The following HGD variants were observed in gnomAD, a reference collection of about 807,000 sequenced individuals.
HGD encodes homogentisate 1,2-dioxygenase.
In HGD, 61 loss-of-function variants were observed where a neutral mutation model predicts 60.8. The observed-to-expected ratio is 1.00, with a 90% confidence interval of 0.82 to 1.24. The LOEUF is 1.24. Among genes scored for constraint, HGD ranks in the 50% most tolerant of loss-of-function variants. The pLI is 0.00. For synonymous variants in HGD, 212 were observed against 187.7 expected (o/e 1.13, Z -1.06); for missense variants, 542 against 547.1 (o/e 0.99, Z 0.09).
At chr3:120,662,975 C>A (rs1707812882) in intron 4 of HGD, among the ~76,000 whole-genome samples, 1 of 152,026 alleles carries the variant, frequency 6.6e-6, no homozygotes, top group Admixed American at 6.6e-5. Flanking sequence ...GCTATAGACA[C>A]AGAGGGAAGA....
At chr3:120,665,210 A>C (rs1420025242) in intron 4 of HGD, among the ~76,000 whole-genome samples, 1 of 152,216 alleles carries the variant, frequency 6.6e-6, no homozygotes, top group Non-Finnish European at 1.5e-5. Flanking sequence ...TATAATTTGC[A>C]TGTACTAGAG....
At chr3:120,639,509 T>A (rs192685624) in intron 11 of HGD, among the ~76,000 whole-genome samples, 15 of 152,302 alleles carry the variant, frequency 9.8e-5, no homozygotes, top group Admixed American at 9.8e-4. Context: ...TCTGAACTGC[T>A]TTTTCACCCT....
chr3:120,649,379 G>A (rs1173976023), intron 6 of HGD, among the ~76,000 whole-genome samples: 2 of 151,916 alleles, frequency 1.3e-5, no homozygotes, highest in East Asian at 1.9e-4. Flanking sequence ...TCCTGACCTC[G>A]TGATCCGCCC....
Position 120,647,039 on chromosome 3 carries a change from C to T in HGD, c.483G>A (p.Gly161=). 1.2e-6 allele frequency: 2 copies of T among 1,613,990 alleles called. No individual in the cohort carries two copies. The highest frequency in any genetic ancestry group is 1.7e-6 in the Non-Finnish European group (2 of 1,179,890). ...DGDFLIVPQK[G]NLLIYTEFGK... is the part of the protein sequence containing the mutation. The stretch of plus-strand genomic sequence containing the variant: ...CAAACTCGGTGTAAATGAGAAGGTT[C>T]CCTTTCTGCGGAACTGACAAAAAAA... Residue 161 remains glycine, a synonymous_variant, in exon 8 of 14, where the codon GGG becomes GGA. Coordinates refer to ENST00000283871, the MANE Select transcript of HGD (RefSeq NM_000187.4).
At chr3:120,675,040 C>A in intron 2 of HGD, 51 bp from the exon 3 acceptor site, 1 of 1,268,320 alleles carries the variant, frequency 7.9e-7, no homozygotes, top group South Asian at 1.2e-5. Flanking sequence ...AAAAGCATCC[C>A]ACCTTCCCAC....
rs557168930 is a variant in HGD at position 120,631,847 on chromosome 3, T to C, written c.1188+1300A>G. ...CTCCCATCCTAATAGGAGAGCTCTT[T>C]CTCACTAGTAATTCAAAGTATTGCT... On this transcript the variant is annotated intron_variant, in intron 13 of 13. Transcript: ENST00000283871. Among the ~76,000 whole-genome samples, 98 of 152,274 alleles carry C rather than the reference T, an allele frequency of 6.4e-4. 1 individual carries two copies. The highest frequency in any genetic ancestry group is 2.3e-3 in the African/African-American group (94 of 41,554).
At chr3:120,672,981 G>C (rs528958528) in intron 3 of HGD, among the ~76,000 whole-genome samples, 1 of 152,280 alleles carries the variant, frequency 6.6e-6, no homozygotes, top group African/African-American at 2.4e-5. Context: ...TACGTAGGTA[G>C]GTAGATAGAC....
intron 1 of HGD, among the ~76,000 whole-genome samples, chr3:120,678,658 C>A (rs900897738): frequency 1.3e-5 from 2 of 152,214 alleles, no homozygotes; most frequent in Non-Finnish European, 2.9e-5. Flanking sequence ...GGTGTGAGTT[C>A]TGAATCCGTT....
Position 120,647,057 on chromosome 3 carries a change from CA to C in HGD, c.470-6del, listed in dbSNP as rs1941189272. On this transcript the variant is annotated splice_region_variant and splice_polypyrimidine_tract_variant and intron_variant, in intron 7 of 13. Coordinates refer to ENST00000283871, the MANE Select transcript of HGD (RefSeq NM_000187.4). ...GAAGGTTCCCTTTCTGCGGAACTGA[CA>C]AAAAAAGACAGGGCAGTGGTGAGCA... The C allele has an allele frequency of 6.2e-7, 1 of 1,612,220 alleles. No individual in the cohort carries two copies. Among genetic ancestry groups the C allele is most frequent in the East Asian group, 2.2e-5 (1 of 44,850 alleles).
intron 4 of HGD, among the ~76,000 whole-genome samples, chr3:120,656,093 TAAG>T (rs910484478): frequency 2.0e-5 from 3 of 152,206 alleles, no homozygotes; most frequent in Non-Finnish European, 4.4e-5. Flanking sequence ...GATGGCCTTA[TAAG>T]AAGAAGAGAT....
intron 11 of HGD, 67 bp downstream of exon 11, chr3:120,641,522 G>T (rs1192284069): frequency 4.4e-6 from 4 of 908,360 alleles, no homozygotes; most frequent in East Asian, 2.4e-5. Flanking sequence ...AATGTCAGGG[G>T]TCTACTGTGG....
intron 13 of HGD, among the ~76,000 whole-genome samples, chr3:120,631,870 G>A (rs1251259081): frequency 6.6e-6 from 1 of 152,124 alleles, no homozygotes; most frequent in Non-Finnish European, 1.5e-5. Flanking sequence ...TCAAAGTATT[G>A]CTCCTCATAG....
Position 120,682,199 on chromosome 3 carries a change from CTT to C in HGD, c.-90_-89del, listed in dbSNP as rs1708242490. 5 of 1,312,168 alleles carry C rather than the reference CTT, an allele frequency of 3.8e-6. No individual in the cohort carries two copies. The highest frequency in any genetic ancestry group is 4.4e-6 in the Non-Finnish European group (4 of 905,464). The allele number at this position is 1,312,168 out of a possible 1,614,324, so 81.3% of individuals were successfully genotyped here. A position where few individuals can be genotyped will look rare whatever the true frequency, so the allele number is the denominator to read the frequency against. On this transcript the variant is annotated 5_prime_UTR_variant, in exon 1 of 14. Coordinates refer to ENST00000283871, the MANE Select transcript of HGD (RefSeq NM_000187.4). ...ATGCTTCTTTCTCCTTCAAACCACT[CTT>C]TGGATATTCCGGTTCCCACTGCTTC...
chr3:120,642,686 C>T (rs1238736593), intron 10 of HGD, among the ~76,000 whole-genome samples: 1 of 152,240 alleles, frequency 6.6e-6, no homozygotes, highest in East Asian at 1.9e-4. Flanking sequence ...TCAGCTCCAG[C>T]CCACCACTAG....
chr3:120,678,651 G>T (rs1708177012), intron 1 of HGD, among the ~76,000 whole-genome samples: 1 of 152,238 alleles, frequency 6.6e-6, no homozygotes, highest in Non-Finnish European at 1.5e-5. Flanking sequence ...ACCAAGAGGT[G>T]TGAGTTCTGA....
At chr3:120,678,357 G>T (rs1316899083) in intron 1 of HGD, among the ~76,000 whole-genome samples, 1 of 152,162 alleles carries the variant, frequency 6.6e-6, no homozygotes, top group East Asian at 1.9e-4. Context: ...TGAAGCCACT[G>T]GGCATTACAG....
chr3:120,674,897 G>A lies in HGD; in HGVS notation c.176+4C>T, dbSNP rs774088912. On this transcript the variant is annotated splice_donor_region_variant and intron_variant, in intron 3 of 13. Coordinates refer to ENST00000283871, the MANE Select transcript of HGD (RefSeq NM_000187.4). Reference sequence around the variant, plus strand: ...GCAGGTCAGAATTCATCTAATCCTTGTACCTTCTCTTATTGGTGCTCCGTG... The same window carrying A: ...GCAGGTCAGAATTCATCTAATCCTTATACCTTCTCTTATTGGTGCTCCGTG... 2.5e-6 allele frequency: 4 copies of A among 1,595,170 alleles called. No individual in the cohort carries two copies. In the East Asian group the frequency reaches 6.7e-5, roughly 27 times the overall value.
chr3:120,673,133 T>A (rs966758431), intron 3 of HGD, among the ~76,000 whole-genome samples: 1 of 152,188 alleles, frequency 6.6e-6, no homozygotes, highest in Non-Finnish European at 1.5e-5. Context: ...CACAAAATTC[T>A]TGTGGATATC....
intron 11 of HGD, among the ~76,000 whole-genome samples, chr3:120,639,174 C>T (rs761038982): frequency 2.7e-4 from 41 of 152,244 alleles, no homozygotes; most frequent in African/African-American, 8.7e-4. Flanking sequence ...ACCCAGGTAG[C>T]GAGCATAGTA....
Sources: gnomAD v4.1 joint callset for allele counts (sites outside exome capture counted in the v4.1 genomes callset) on GRCh38, gnomAD v4.1.1 for gene constraint, MANE v1.5 for transcripts, NCBI Gene and HGNC (gene_info 2026-07-23, HGNC 2026-07-21) for gene names.